Variants in ANK2 observed in about 807,000 individuals in gnomAD.
ANK2 encodes the protein ankyrin 2.
In ANK2, 83 loss-of-function variants were observed where a neutral mutation model predicts 360.5. That is an observed-to-expected ratio of 0.23 (90% CI 0.19 to 0.28). ANK2 has a LOEUF of 0.28. ANK2 is among the 10% of genes least tolerant of loss of function. ANK2 has a pLI of 1.00. For synonymous variants in ANK2, 1,740 were observed against 1,759.5 expected, an observed-to-expected ratio of 0.99 and a Z score of 0.28; for missense variants, 4,201 against 4,795.7, an observed-to-expected ratio of 0.88 and a Z score of 3.66.
chr4:112,801,509 C>T, the ANK2 span, among the ~76,000 whole-genome samples: 1 of 152,076 alleles, frequency 6.6e-6, no homozygotes, highest in African/African-American at 2.4e-5. Flanking sequence ...AGAGAAGGCA[C>T]AGGATGCTGT....
At chr4:112,739,567 T>G in the ANK2 span, among the ~76,000 whole-genome samples, 1,982 of 152,212 alleles carry the variant, frequency 0.013, 12 homozygotes, top group Admixed American at 0.02. Context: ...TGAGCTGAGA[T>G]TGCACTACTA....
At chr4:113,224,613 T>C (rs978363212) in intron 4 of ANK2, among the ~76,000 whole-genome samples, 1 of 152,208 alleles carries the variant, frequency 6.6e-6, no homozygotes, top group African/African-American at 2.4e-5. Flanking sequence ...CACTGAAATA[T>C]ATTTAATAAG....
intron 4 of ANK2, chr4:113,214,502 T>C (rs1287904856): frequency 1.6e-6 from 1 of 614,054 alleles, no homozygotes; most frequent in Admixed American, 2.7e-5. Context: ...ATAAAATATT[T>C]ATTACATTCA....
At chr4:112,893,574 T>A (rs2080819487) in intron 1 of ANK2, among the ~76,000 whole-genome samples, 2 of 152,216 alleles carry the variant, frequency 1.3e-5, no homozygotes, top group Non-Finnish European at 2.9e-5. Context: ...CAGGACACAC[T>A]GTCATAATAA....
chr4:113,343,235 C>A (rs2153984235), intron 34 of ANK2, 93 bp downstream of exon 34: 3 of 1,367,572 alleles, frequency 2.2e-6, no homozygotes, highest in South Asian at 1.2e-5. Context: ...GCTTTTCAGT[C>A]ATCTTCAGAG....
chr4:113,167,313 T>C (rs2097782166), intron 1 of ANK2, among the ~76,000 whole-genome samples: 1 of 152,020 alleles, frequency 6.6e-6, no homozygotes, highest in South Asian at 2.1e-4. Context: ...CTTTTTTTTT[T>C]TTTTGGAAAC....
chr4:112,937,201 G>A (rs181565735), intron 2 of ANK2, among the ~76,000 whole-genome samples: 1 of 152,310 alleles, frequency 6.6e-6, no homozygotes, highest in East Asian at 1.9e-4. Context: ...GGGTAAATTA[G>A]TGATGGGTGA....
At chr4:112,986,568 G>A (rs1035866468) in intron 2 of ANK2, among the ~76,000 whole-genome samples, 1 of 152,180 alleles carries the variant, frequency 6.6e-6, no homozygotes, top group Non-Finnish European at 1.5e-5. Context: ...AATCTTCCTG[G>A]TAACACTCAG....
At chr4:112,766,705 C>T in the ANK2 span, among the ~76,000 whole-genome samples, 1 of 152,184 alleles carries the variant, frequency 6.6e-6, no homozygotes, top group Admixed American at 6.5e-5. Context: ...ACAGTTTAAA[C>T]CCATACTTTA....
At chr4:113,226,044 CAG>C (rs2099216281) in intron 4 of ANK2, among the ~76,000 whole-genome samples, 1 of 151,046 alleles carries the variant, frequency 6.6e-6, no homozygotes, top group African/African-American at 2.4e-5. Context: ...AATCGTGAAA[CAG>C]AGTATAAATA....
chr4:112,874,973 T>A (rs967354603), intron 1 of ANK2, among the ~76,000 whole-genome samples: 2 of 152,054 alleles, frequency 1.3e-5, no homozygotes, highest in African/African-American at 4.8e-5. Context: ...GTTTTTAGAA[T>A]TCTAGGCAAA....
intron 1 of ANK2, among the ~76,000 whole-genome samples, chr4:113,125,476 T>C (rs2095610514): frequency 6.6e-6 from 1 of 152,140 alleles, no homozygotes; most frequent in Non-Finnish European, 1.5e-5. Flanking sequence ...GTTAATAAAG[T>C]ATATTTATAC....
At chr4:112,885,518 C>T (rs1306426740) in intron 1 of ANK2, among the ~76,000 whole-genome samples, 2 of 147,014 alleles carry the variant, frequency 1.4e-5, no homozygotes, top group Non-Finnish European at 3.0e-5. Context: ...AAAAATTAGC[C>T]GGGCATGGTG....
chr4:113,044,129 A>G (rs1221486704), intron 2 of ANK2, among the ~76,000 whole-genome samples: 1 of 152,226 alleles, frequency 6.6e-6, no homozygotes, highest in Non-Finnish European at 1.5e-5. Context: ...AAACATGGGT[A>G]GATATGGTTA....
intron 1 of ANK2, among the ~76,000 whole-genome samples, chr4:113,082,503 AATTT>A (rs1174474307): frequency 6.6e-6 from 1 of 152,188 alleles, no homozygotes; most frequent in Non-Finnish European, 1.5e-5. Context: ...ACATTTTACT[AATTT>A]ATTTAATAAT....
At chr4:113,303,380 G>A (rs1014760879) in intron 23 of ANK2, among the ~76,000 whole-genome samples, 3 of 152,188 alleles carry the variant, frequency 2.0e-5, no homozygotes, top group Admixed American at 1.3e-4. Context: ...ACAGAAGAAT[G>A]TATTATTTAA....
intron 14 of ANK2, among the ~76,000 whole-genome samples, chr4:113,269,019 T>G (rs1335507845): frequency 6.6e-6 from 1 of 152,234 alleles, no homozygotes; most frequent in Non-Finnish European, 1.5e-5. Context: ...CTAGATTTTC[T>G]AGTTTATTGG....
intron 2 of ANK2, among the ~76,000 whole-genome samples, chr4:112,960,116 C>A (rs80064035): frequency 6.6e-6 from 1 of 152,144 alleles, no homozygotes; most frequent in African/African-American, 2.4e-5. Flanking sequence ...AGCCAAACAA[C>A]TCAGATGAAT....
At chr4:113,348,471 TG>T (rs1156553525) in intron 36 of ANK2, among the ~76,000 whole-genome samples, 163 bp downstream of exon 36, 2 of 152,148 alleles carry the variant, frequency 1.3e-5, no homozygotes, top group Non-Finnish European at 2.9e-5. Flanking sequence ...TTTCTCATCT[TG>T]TGGAGCAACT....
Sources: allele counts gnomAD v4.1 joint callset (sites outside exome capture counted in the v4.1 genomes callset), GRCh38; gene constraint gnomAD v4.1.1; transcripts MANE v1.5; gene names NCBI Gene and HGNC (gene_info 2026-07-23, HGNC 2026-07-21).